Variants in PCDHGB2 observed in about 807,000 individuals in gnomAD.
PCDHGB2 encodes protocadherin gamma-B2.
In PCDHGB2, 55 loss-of-function variants were observed where a neutral mutation model predicts 59.3. The observed-to-expected ratio is 0.93, with a 90% CI of 0.75 to 1.16. PCDHGB2 has a LOEUF of 1.16. PCDHGB2 is among the 50% of genes most tolerant of loss of function. The pLI is 0.00. For missense variants in PCDHGB2, 1,228 were observed against 1,198.5 expected (o/e 1.02, Z -0.36); for synonymous variants, 516 against 512.0 (o/e 1.01, Z -0.11).
intron 1 of PCDHGB2, among the ~76,000 whole-genome samples, chr5:141,401,282 C>T (rs963741934): frequency 2.6e-5 from 4 of 151,884 alleles, no homozygotes; most frequent in Non-Finnish European, 4.4e-5. Flanking sequence ...GTGGAGGTTG[C>T]GGTGAGCCGA....
chr5:141,368,284 GA>G lies in PCDHGB2; in HGVS notation c.2421+5729del, dbSNP rs536595269. ...CACATTAAAGAACCTAAGACCACTT[GA>G]TTTTTATTTTTTAAACACTGTTAAA... On this transcript the variant is annotated intron_variant, in intron 1 of 3. Transcript: ENST00000522605. Among the ~76,000 whole-genome samples the G allele has an allele frequency of 3.5e-4, 53 of 152,086 alleles. No homozygotes were observed. The East Asian group carries it at 0.01, about 29-fold the overall frequency.
intron 1 of PCDHGB2, among the ~76,000 whole-genome samples, chr5:141,364,014 A>G (rs145320199): frequency 4.6e-5 from 7 of 152,362 alleles, no homozygotes; most frequent in Non-Finnish European, 7.3e-5. Context: ...ACAACGCTAC[A>G]CAGTTAAACA....
rs2092610841 is a variant in PCDHGB2 at position 141,392,842 on chromosome 5, G to C, written c.2421+30286G>C. 6.2e-7 allele frequency: 1 copy of C among 1,609,194 alleles called. No homozygotes were observed. The highest frequency in any genetic ancestry group is 8.5e-7 in the Non-Finnish European group (1 of 1,177,812). On this transcript the variant is annotated intron_variant, in intron 1 of 3. Transcript: ENST00000522605. ...GCCGCTCCACAGAGTCGCCCCAGACGCGGCGAGCTGATCCTGCTGTGCGCG... is the reference window on the plus strand; with the variant it reads ...GCCGCTCCACAGAGTCGCCCCAGACCCGGCGAGCTGATCCTGCTGTGCGCG...
chr5:141,426,722 T>G (rs1022367359), intron 1 of PCDHGB2: 1 of 447,734 alleles, frequency 2.2e-6, no homozygotes, highest in Non-Finnish European at 4.6e-6. Context: ...AACTAGCAAT[T>G]CCAGGCATTC....
intron 1 of PCDHGB2, chr5:141,394,825 T>G: frequency 6.2e-7 from 1 of 1,613,802 alleles, no homozygotes; most frequent in Non-Finnish European, 8.5e-7. Flanking sequence ...ATCCCCGAAG[T>G]CCTGACCGAG....
chr5:141,447,516 A>G (rs997127013), intron 1 of PCDHGB2, among the ~76,000 whole-genome samples: 1 of 152,220 alleles, frequency 6.6e-6, no homozygotes, highest in African/African-American at 2.4e-5. Flanking sequence ...ATGCATAACA[A>G]TCATAACAAA....
chr5:141,388,785 G>T, intron 1 of PCDHGB2: 1 of 1,613,868 alleles, frequency 6.2e-7, no homozygotes, highest in South Asian at 1.1e-5. Context: ...GGAAATTACT[G>T]TTTTAAATAC....
chr5:141,511,560 T>C lies in PCDHGB2; in HGVS notation c.*387T>C. ...CCACCCCACTCCAACAGTTCCTCTT[T>C]CCCGAGTAAGGTGGTTGGGGTGTTG... On this transcript the variant is annotated 3_prime_UTR_variant, in exon 4 of 4. Coordinates refer to ENST00000522605, the MANE Select transcript of PCDHGB2 (RefSeq NM_018923.3). The C allele has an allele frequency of 3.3e-6, 1 of 298,990 alleles. No homozygotes were observed. The highest frequency in any genetic ancestry group is 3.7e-5 in the South Asian group (1 of 27,250). The allele number at this position is 298,990 out of a possible 1,614,324, so 18.5% of individuals were successfully genotyped here.
At chr5:141,368,939 G>A (rs920878647) in intron 1 of PCDHGB2, among the ~76,000 whole-genome samples, 3 of 152,146 alleles carry the variant, frequency 2.0e-5, no homozygotes, top group African/African-American at 7.2e-5. Context: ...TAGAATTCTG[G>A]TTACTGTGAG....
intron 2 of PCDHGB2, among the ~76,000 whole-genome samples, chr5:141,502,478 A>G (rs2099814452): frequency 6.6e-6 from 1 of 150,896 alleles, no homozygotes; most frequent in Non-Finnish European, 1.5e-5. Flanking sequence ...CCGCAGCATC[A>G]CACTGGGACT....
At chr5:141,383,007 G>T (rs1047921009) in intron 1 of PCDHGB2, 1 of 1,613,748 alleles carries the variant, frequency 6.2e-7, no homozygotes, top group Admixed American at 1.7e-5. Context: ...ACTCCGTGTC[G>T]GAGGAGACGG....
chr5:141,481,503 G>A (rs1006282101), intron 1 of PCDHGB2, among the ~76,000 whole-genome samples: 3 of 152,236 alleles, frequency 2.0e-5, no homozygotes, highest in African/African-American at 7.2e-5. Context: ...TGCATGGTAT[G>A]TGAATTATGT....
intron 1 of PCDHGB2, chr5:141,392,777 A>T (rs1226924811): frequency 6.5e-7 from 1 of 1,529,322 alleles, no homozygotes; most frequent in Admixed American, 2.2e-5. Context: ...ATTTATGCAC[A>T]GTGAAGATTC....
intron 1 of PCDHGB2, chr5:141,375,707 C>T (rs1483627086): frequency 1.1e-5 from 17 of 1,614,146 alleles, no homozygotes; most frequent in Non-Finnish European, 1.3e-5. Context: ...GGACCCGCCT[C>T]TTAGCAGCAA....
chr5:141,415,648 A>G (rs1403877896), intron 1 of PCDHGB2: 1 of 1,598,772 alleles, frequency 6.3e-7, no homozygotes, highest in African/African-American at 1.4e-5. Flanking sequence ...TGTTAAAAAA[A>G]AAAAGATTGG....
chr5:141,470,738 C>T lies in PCDHGB2; in HGVS notation c.2422-24069C>T, dbSNP rs117476356. On this transcript the variant is annotated intron_variant, in intron 1 of 3. Transcript: ENST00000522605. ...TTTGAGTCAGGGTCTTGCTCTGTCG[C>T]CCTGGCTGGAGTGCAGTGGACTCAC... Among the ~76,000 whole-genome samples the T allele has an allele frequency of 1.9e-3, 295 of 152,226 alleles. 7 individuals carry two copies. In the East Asian group the frequency reaches 0.046, roughly 24 times the overall value.
chr5:141,366,298 C>A, intron 1 of PCDHGB2: 1 of 1,613,766 alleles, frequency 6.2e-7, no homozygotes, highest in Non-Finnish European at 8.5e-7. Flanking sequence ...CTCTGTCAGC[C>A]ACCTTCACGG....
chr5:141,361,424 C>A lies in PCDHGB2; in HGVS notation c.1289C>A (p.Pro430Gln), dbSNP rs1231481755. The A allele has an allele frequency of 6.2e-7, 1 of 1,613,912 alleles. No individual in the cohort carries two copies. Among genetic ancestry groups the A allele is most frequent in the East Asian group, 2.2e-5 (1 of 44,890 alleles). The change falls in exon 1 of 4, where the codon CCG becomes CAG. Residue 430 changes from proline to glutamine, a missense_variant. Transcript: ENST00000522605. The part of the protein sequence containing the change: ...LTITATDGGK[P>Q]PLSSSIIVTL... ...ATCACAGCCACCGACGGGGGCAAGC[C>A]GCCCCTCTCCTCCAGCATAATTGTC...
At chr5:141,495,558 A>G (rs2099762084) in intron 2 of PCDHGB2, among the ~76,000 whole-genome samples, 1 of 151,662 alleles carries the variant, frequency 6.6e-6, no homozygotes, top group Admixed American at 6.6e-5. Flanking sequence ...TCGCTTTGCA[A>G]TCTCTGCCTC....
Sources: allele counts gnomAD v4.1 joint callset (sites outside exome capture counted in the v4.1 genomes callset), GRCh38; gene constraint gnomAD v4.1.1; transcripts MANE v1.5; gene names NCBI Gene and HGNC (gene_info 2026-07-23, HGNC 2026-07-21).